Variants in ROBO3 observed in about 807,000 individuals in gnomAD.
ROBO3 encodes roundabout guidance receptor 3, also known as roundabout homolog 3.
Under a neutral mutation model 160.5 loss-of-function variants are expected in ROBO3, and 97 were observed. The ratio of observed to expected loss-of-function variants is 0.60; its 90% CI spans 0.51 to 0.72. ROBO3 has a LOEUF of 0.72. ROBO3 is among the 30% of genes least tolerant of loss of function. The probability of loss-of-function intolerance (pLI) is 0.00; values close to 1 mark genes in which losing one functional copy is unlikely to be tolerated. For missense variants in ROBO3, 1,858 were observed against 1,846.5 expected (o/e 1.01, Z -0.11); for synonymous variants, 780 against 746.2 (o/e 1.05, Z -0.74).
rs776610466 is a variant in ROBO3, at chr11:124,880,604, G to T, written c.4145G>T (p.Arg1382Leu). ...SQSQRPGQKRREEPR is the reference protein window; with the variant it reads ...SQSQRPGQKRLEEPR ...AGCCAAAGGCCAGGACAGAAACGCC[G>T]AGAGGTAGGGGCCATAGATTGCAGA... Residue 1382 changes from arginine (R) to leucine (L), a missense_variant, in exon 27 of 28, where the codon CGA becomes CTA. Transcript: ENST00000397801. The T allele has an allele frequency of 9.1e-6, 14 of 1,543,068 alleles. No homozygotes were observed. Among genetic ancestry groups the T allele is most frequent in the South Asian group, 2.4e-5 (2 of 83,566 alleles).
chr11:124,869,473 T>C lies in ROBO3; in HGVS notation c.511T>C (p.Ser171Pro). ...VAVLRDDFRQSPGNVVVAVGE... is the reference protein window; with the variant it reads ...VAVLRDDFRQPPGNVVVAVGE... ...AGTCCTCCGTGATGATTTCCGGCAG[T>C]CTCCTGGAAACGTGGTGGTGGCAGT... Residue 171 changes from serine (S) to proline (P), a missense_variant, in exon 3 of 28, where the codon TCT becomes CCT. Transcript: ENST00000397801. This position sits in a 1 kb window ranked among gnomAD's most constrained non-coding sequence, Gnocchi z 4.2. 6.8e-7 allele frequency: 1 copy of C among 1,466,702 alleles called. No homozygotes were observed. The highest frequency in any genetic ancestry group is 9.2e-7 in the Non-Finnish European group (1 of 1,086,652). The allele number at this position is 1,466,702 out of a possible 1,614,324, so 90.9% of individuals were successfully genotyped here. A position where few individuals can be genotyped will look rare whatever the true frequency, so the allele number is the denominator to read the frequency against.
chr11:124,879,759 G>C, intron 25 of ROBO3, 28 bp from the exon 26 acceptor site: 1 of 1,610,734 alleles, frequency 6.2e-7, no homozygotes, highest in Middle Eastern at 1.7e-4. Flanking sequence ...GTGGCAGGAG[G>C]CTCCGCTGAA....
At chr11:124,874,687 G>A (rs902365847) in intron 12 of ROBO3, 101 bp from the exon 13 acceptor site, 1 of 1,375,554 alleles carries the variant, frequency 7.3e-7, no homozygotes, top group Non-Finnish European at 9.7e-7. Context: ...GTGTGCTCTG[G>A]AGTACTAAGT....
In ROBO3 at chr11:124,877,657, C is replaced by T. The variant is rs771346879; in HGVS notation, c.2985C>T (p.Asn995=). 3.1e-6 allele frequency: 5 copies of T among 1,610,812 alleles called. No individual in the cohort carries two copies. Among genetic ancestry groups the T allele is most frequent in the South Asian group, 1.1e-5 (1 of 90,068 alleles). ...SNPDPDDRYY[N]EAGISLYLAQ... ...CTGACCCGGACGACAGATATTACAA[C>T]GGTGAGGAGTTCTCATTCCCTCACC... is the stretch of plus-strand genomic sequence containing the variant. The change falls in exon 20 of 28, where the codon AAC becomes AAT. Residue 995 remains asparagine, a splice_region_variant and synonymous_variant. Coordinates refer to ENST00000397801, the MANE Select transcript of ROBO3 (RefSeq NM_022370.4).
In ROBO3 at chr11:124,872,402, T is replaced by C; in HGVS notation, c.1180T>C (p.Ser394Pro). The part of the protein sequence containing the change: ...GSQVLLFPSQ[S>P]LQPTGRFSVS... ...CCAGGTCCTGCTTTTCCCCAGTCAG[T>C]CACTTCAGCCGACGGGGCGCTTCTC... The change falls in exon 8 of 28, where the codon TCA (serine) becomes CCA (proline). Residue 394 changes from serine (S) to proline (P), a missense_variant. Physicochemically the swap from Ser to Pro is moderately conservative, Grantham distance 74 (BLOSUM62 -1). Transcript: ENST00000397801. This position sits in a 1 kb window ranked among gnomAD's most constrained non-coding sequence, Gnocchi z 4.3. 6.2e-7 allele frequency: 1 copy of C among 1,613,966 alleles called. No individual in the cohort carries two copies. Among genetic ancestry groups the C allele is most frequent in the East Asian group, 2.2e-5 (1 of 44,872 alleles).
chr11:124,878,551 C>T lies in ROBO3; in HGVS notation c.3321-33C>T. 1 of 1,604,896 alleles carries T rather than the reference C, an allele frequency of 6.2e-7. No homozygotes were observed. Among genetic ancestry groups the T allele is most frequent in the Non-Finnish European group, 8.5e-7 (1 of 1,174,846 alleles). On this transcript the variant is annotated intron_variant, in intron 22 of 27. Transcript: ENST00000397801. The surrounding 1 kb of genome is among the most constrained non-coding windows in gnomAD (Gnocchi z 4.3). The stretch of plus-strand genomic sequence containing the variant: ...ACGGGAAGGTATGGAAGCAGCTGAG[C>T]CCTTTCCTTCTCTCCTGCCTCTTTG...
chr11:124,870,258 C>T lies in ROBO3; in HGVS notation c.860C>T (p.Pro287Leu), dbSNP rs1158882027. Residue 287 changes from proline to leucine, a missense_variant, in exon 5 of 28, where the codon CCT becomes CTT. By Grantham distance (98) the Pro-to-Leu change is moderately conservative. Transcript: ENST00000397801. ...FLCEVKGDPPPRLRWRKEDGE... is the reference protein window; with the variant it reads ...FLCEVKGDPPLRLRWRKEDGE... ...TGTGAGGTGAAGGGGGATCCCCCAC[C>T]TCGTCTACGCTGGCGCAAGGAGGAT... The T allele has an allele frequency of 1.2e-6, 2 of 1,614,014 alleles. No individual in the cohort carries two copies. The highest frequency in any genetic ancestry group is 1.7e-6 in the Non-Finnish European group (2 of 1,179,888).
rs2135330636 is a variant in ROBO3 at position 124,873,687 on chromosome 11, C to A, written c.1619-10C>A. 6.2e-7 allele frequency: 1 copy of A among 1,600,852 alleles called. No individual in the cohort carries two copies. Among genetic ancestry groups the A allele is most frequent in the Non-Finnish European group, 8.5e-7 (1 of 1,173,464 alleles). Reference sequence around the variant, plus strand: ...CTATCTTTCTACTTAAAGATTATCTCCCACTGCAGAAGACTGGGGAGTATC... The same window carrying A: ...CTATCTTTCTACTTAAAGATTATCTACCACTGCAGAAGACTGGGGAGTATC... On this transcript the variant is annotated splice_polypyrimidine_tract_variant and intron_variant, in intron 10 of 27. Transcript: ENST00000397801. This position sits in a 1 kb window ranked among gnomAD's most constrained non-coding sequence, Gnocchi z 4.5.
Position 124,877,260 on chromosome 11 carries a change from T to C in ROBO3, c.2804-7T>C. The C allele has an allele frequency of 6.2e-7, 1 of 1,613,914 alleles. No homozygotes were observed. The highest frequency in any genetic ancestry group is 8.5e-7 in the Non-Finnish European group (1 of 1,179,852). On this transcript the variant is annotated splice_polypyrimidine_tract_variant and splice_region_variant and intron_variant, in intron 18 of 27. Coordinates refer to ENST00000397801, the MANE Select transcript of ROBO3 (RefSeq NM_022370.4). ...CTCTCACTCATTCGCCCCCTCATTT[T>C]CCCCAGTGTCCTTCCCGCACTCAGA...
In ROBO3 at chr11:124,871,092, A is replaced by C. The variant is rs761146056; in HGVS notation, c.1112A>C (p.Lys371Thr). 2 of 1,613,656 alleles carry C rather than the reference A, an allele frequency of 1.2e-6. No homozygotes were observed. Among genetic ancestry groups the C allele is most frequent in the Non-Finnish European group, 1.7e-6 (2 of 1,179,680 alleles). ...AGCGTGGCTTTCCAGTGCGAGACCA[A>C]AGGAAACCCCCCACCTGCCATCTTC... is the stretch of plus-strand genomic sequence containing the variant. ...GESVAFQCET[K>T]GNPPPAIFWQ... is the part of the protein sequence containing the mutation. The change falls in exon 7 of 28, where the codon AAA becomes ACA. Residue 371 changes from lysine (K) to threonine (T), a missense_variant. Coordinates refer to ENST00000397801, the MANE Select transcript of ROBO3 (RefSeq NM_022370.4).
chr11:124,870,647 G>C lies in ROBO3; in HGVS notation c.952G>C (p.Ala318Pro). 1 of 1,613,570 alleles carries C rather than the reference G, an allele frequency of 6.2e-7. No homozygotes were observed. Among genetic ancestry groups the C allele is most frequent in the South Asian group, 1.1e-5 (1 of 90,888 alleles). ...DHSLWIGHVSAEDEGTYTCVA... is the reference protein window; with the variant it reads ...DHSLWIGHVSPEDEGTYTCVA... ...CAGCCTTTGGATTGGGCATGTGAGT[G>C]CCGAAGATGAGGGAACGTACACCTG... Residue 318 changes from alanine to proline, a missense_variant, in exon 6 of 28, where the codon GCC (alanine) becomes CCC (proline). By Grantham distance (27) the Ala-to-Pro change is conservative. Coordinates refer to ENST00000397801, the MANE Select transcript of ROBO3 (RefSeq NM_022370.4).
chr11:124,880,298 G>A, intron 26 of ROBO3, 120 bp from the exon 27 acceptor site: 1 of 1,481,328 alleles, frequency 6.8e-7, no homozygotes. Flanking sequence ...GGCTGGCTGA[G>A]CCCTGTGCCT....
In ROBO3 at chr11:124,872,278, G is replaced by C; in HGVS notation, c.1159-103G>C. On this transcript the variant is annotated intron_variant, in intron 7 of 27. Transcript: ENST00000397801. The surrounding 1 kb of genome is among the most constrained non-coding windows in gnomAD (Gnocchi z 4.3). ...ACTGCTGGAGACAGACGATGAACTA[G>C]AATCATAGGAATTCTCTGAATTTTG... 1 of 1,086,678 alleles carries C rather than the reference G, an allele frequency of 9.2e-7. No individual in the cohort carries two copies. The highest frequency in any genetic ancestry group is 1.4e-6 in the Non-Finnish European group (1 of 704,740). The allele number at this position is 1,086,678 out of a possible 1,614,324, so 67.3% of individuals were successfully genotyped here.
At chr11:124,874,261 T>C in intron 12 of ROBO3, 25 bp downstream of exon 12, 1 of 1,596,284 alleles carries the variant, frequency 6.3e-7, no homozygotes, top group Non-Finnish European at 8.6e-7. Flanking sequence ...CCTGGGCTCA[T>C]GAGCATGAAA....
In ROBO3 at chr11:124,870,731, G is replaced by A. The variant is rs1179414580; in HGVS notation, c.1033+3G>A. 3.7e-6 allele frequency: 6 copies of A among 1,610,172 alleles called. No homozygotes were observed. The East Asian group carries it at 8.9e-5, about 24-fold the overall frequency. On this transcript the variant is annotated splice_donor_region_variant and intron_variant, in intron 6 of 27. Transcript: ENST00000397801. ...ATCTGGCTCCCTCAGTGTTCACGGTGAGGGCTGTACTTGGGACTGCCTGCA... is the reference window on the plus strand; with the variant it reads ...ATCTGGCTCCCTCAGTGTTCACGGTAAGGGCTGTACTTGGGACTGCCTGCA...
rs543599344 is a variant in ROBO3 at position 124,880,267 on chromosome 11, C to G, written c.3959-151C>G. ...TGATGTCAAGGCCATGTGCCGGTCA[C>G]TCTGCTGCTCCTCAGCCCCAGGCTG... On this transcript the variant is annotated intron_variant, in intron 26 of 27. Coordinates refer to ENST00000397801, the MANE Select transcript of ROBO3 (RefSeq NM_022370.4). 4.9e-3 allele frequency: 6,586 copies of G among 1,343,908 alleles called. 20 individuals carry two copies. The highest frequency in any genetic ancestry group is 5.9e-3 in the Non-Finnish European group (5,888 of 1,002,900). The allele number at this position is 1,343,908 out of a possible 1,614,324, so 83.2% of individuals were successfully genotyped here.
chr11:124,869,988 G>C lies in ROBO3; in HGVS notation c.686G>C (p.Ser229Thr). ...CTGATGATGTCACATACACTCAAGA[G>C]CGATGCAGGCATGTATGTGTGCGTA... is the stretch of plus-strand genomic sequence containing the variant. ...GKLMMSHTLK[S>T]DAGMYVCVAS... Residue 229 changes from serine (S) to threonine (T), a missense_variant, in exon 4 of 28, where the codon AGC becomes ACC. Transcript: ENST00000397801. This position sits in a 1 kb window ranked among gnomAD's most constrained non-coding sequence, Gnocchi z 4.2. 1 of 1,613,646 alleles carries C rather than the reference G, an allele frequency of 6.2e-7. No homozygotes were observed. The highest frequency in any genetic ancestry group is 8.5e-7 in the Non-Finnish European group (1 of 1,179,690).
Position 124,872,626 on chromosome 11 carries a change from T to C in ROBO3, c.1330+74T>C. ...ATGGCCTAAAGTGATGTGTTTCTCT[T>C]GGAGTCTATATACTATGTCTGCAAG... On this transcript the variant is annotated intron_variant, in intron 8 of 27. Transcript: ENST00000397801. This position sits in a 1 kb window ranked among gnomAD's most constrained non-coding sequence, Gnocchi z 4.3. The C allele has an allele frequency of 6.9e-7, 1 of 1,441,306 alleles. No homozygotes were observed. Among genetic ancestry groups the C allele is most frequent in the Non-Finnish European group, 9.5e-7 (1 of 1,051,276 alleles). The allele number at this position is 1,441,306 out of a possible 1,614,324, so 89.3% of individuals were successfully genotyped here.
chr11:124,878,167 G>T lies in ROBO3; in HGVS notation c.3181+36G>T. 2 of 1,578,958 alleles carry T rather than the reference G, an allele frequency of 1.3e-6. No individual in the cohort carries two copies. Among genetic ancestry groups the T allele is most frequent in the South Asian group, 2.3e-5 (2 of 86,444 alleles). On this transcript the variant is annotated intron_variant, in intron 21 of 27. Coordinates refer to ENST00000397801, the MANE Select transcript of ROBO3 (RefSeq NM_022370.4). This position sits in a 1 kb window ranked among gnomAD's most constrained non-coding sequence, Gnocchi z 4.3. ...AACTCCTGAAACCCCGTTTAGCCCTGACCAGGGTATCCCCAAAGAGGATCC... is the reference window on the plus strand; with the variant it reads ...AACTCCTGAAACCCCGTTTAGCCCTTACCAGGGTATCCCCAAAGAGGATCC...
Sources: gnomAD v4.1 joint callset for allele counts on GRCh38, gnomAD v4.1.1 for gene constraint, Gnocchi (gnomAD v3.1) non-coding constraint, MANE v1.5 for transcripts, NCBI Gene and HGNC (gene_info 2026-07-23, HGNC 2026-07-21) for gene names.